SV2C: variants seen among roughly 807,000 people sequenced by gnomAD.
SV2C encodes solute carrier family 22 member B3.
In SV2C, 49 loss-of-function variants were observed where a neutral mutation model predicts 79.7. The observed-to-expected ratio is 0.61, with a 90% CI of 0.49 to 0.78. The LOEUF is 0.78. Ranked by LOEUF, SV2C falls within the 30% of genes least tolerant of loss-of-function variation. SV2C has a pLI of 0.00. For missense variants in SV2C, 833 were observed against 912.9 expected (o/e 0.91, Z 1.13); for synonymous variants, 334 against 333.2 (o/e 1.00, Z -0.03).
intron 4 of SV2C, among the ~76,000 whole-genome samples, chr5:76,246,809 T>C (rs1014227924): frequency 6.6e-6 from 1 of 152,158 alleles, no homozygotes; most frequent in Non-Finnish European, 1.5e-5. Context: ...ACCCTACATA[T>C]ACACATGCAC....
At chr5:75,883,283 C>G in the SV2C span, among the ~76,000 whole-genome samples, 28 of 136,058 alleles carry the variant, frequency 2.1e-4, no homozygotes, top group African/African-American at 8.6e-4. Flanking sequence ...GTCAGTGTGG[C>G]GATTCCTCAG....
chr5:76,120,210 G>T (rs1475116945), intron 1 of SV2C, among the ~76,000 whole-genome samples: 1 of 151,278 alleles, frequency 6.6e-6, no homozygotes, highest in Non-Finnish European at 1.5e-5. Context: ...TGATATAATT[G>T]TATATCATGT....
At chr5:76,320,003 CTAAAA>C (rs1748774392) in intron 12 of SV2C, among the ~76,000 whole-genome samples, 1 of 152,076 alleles carries the variant, frequency 6.6e-6, no homozygotes, top group Non-Finnish European at 1.5e-5. Context: ...AATCTAGAAA[CTAAAA>C]TGTTAGTTTA....
At chr5:76,079,413 A>C (rs931401227), upstream of SV2C, 4 of 298,574 alleles carry the variant, frequency 1.3e-5, no homozygotes, top group South Asian at 1.7e-4. Flanking sequence ...GGAGGCTGCT[A>C]TCAGGCTCTG....
At chr5:76,000,400 A>G in the SV2C span, among the ~76,000 whole-genome samples, 7 of 152,080 alleles carry the variant, frequency 4.6e-5, no homozygotes, top group African/African-American at 1.7e-4. Context: ...TTTTTCTCCA[A>G]GTGTGGCCTG....
At chr5:76,069,597 G>A in the SV2C span, among the ~76,000 whole-genome samples, 1 of 152,116 alleles carries the variant, frequency 6.6e-6, no homozygotes, top group African/African-American at 2.4e-5. Context: ...ACTCTCCCGG[G>A]AATCCCAGGC....
At chr5:75,871,512 T>TA in the SV2C span, among the ~76,000 whole-genome samples, 1 of 152,006 alleles carries the variant, frequency 6.6e-6, no homozygotes, top group Admixed American at 6.6e-5. Context: ...GTTTGCCAGT[T>TA]AAAAAAATAA....
intron 1 of SV2C, among the ~76,000 whole-genome samples, chr5:76,105,666 C>T (rs1157698752): frequency 2.6e-5 from 4 of 152,186 alleles, no homozygotes; most frequent in Non-Finnish European, 5.9e-5. Context: ...TTGCTAACAA[C>T]TTCATACTTA....
intron 4 of SV2C, among the ~76,000 whole-genome samples, chr5:76,254,356 C>G (rs1033934944): frequency 2.0e-5 from 3 of 151,972 alleles, no homozygotes; most frequent in African/African-American, 7.3e-5. Flanking sequence ...ATTTGCATCC[C>G]TACTTTTCCA....
At chr5:76,046,049 A>T in the SV2C span, among the ~76,000 whole-genome samples, 1 of 152,200 alleles carries the variant, frequency 6.6e-6, no homozygotes, top group African/African-American at 2.4e-5. Context: ...GTGGGAAGAG[A>T]TAGGCACTAA....
At chr5:76,198,087 C>T (rs1744327510) in intron 3 of SV2C, among the ~76,000 whole-genome samples, 1 of 152,182 alleles carries the variant, frequency 6.6e-6, no homozygotes, top group Non-Finnish European at 1.5e-5. Flanking sequence ...GGTGCCCACC[C>T]ACCCCTGAGG....
At chr5:75,915,514 A>G in the SV2C span, among the ~76,000 whole-genome samples, 1 of 152,376 alleles carries the variant, frequency 6.6e-6, no homozygotes, top group African/African-American at 2.4e-5. Context: ...TTGCACTTAA[A>G]GAGGTATGAC....
chr5:76,322,166 G>A (rs539783241), intron 12 of SV2C, among the ~76,000 whole-genome samples: 3 of 152,264 alleles, frequency 2.0e-5, no homozygotes, highest in African/African-American at 7.2e-5. Flanking sequence ...AAAATAGAAA[G>A]CTGATAAGCA....
At chr5:75,981,458 C>A in the SV2C span, among the ~76,000 whole-genome samples, 1,952 of 152,274 alleles carry the variant, frequency 0.013, 34 homozygotes, top group African/African-American at 0.044. Flanking sequence ...CACTACCCAA[C>A]TTCAAACTAT....
At chr5:76,151,792 A>AGAG (rs1749613917) in intron 2 of SV2C, among the ~76,000 whole-genome samples, 1 of 143,818 alleles carries the variant, frequency 7.0e-6, no homozygotes, top group Admixed American at 7.1e-5. Context: ...TGCCCTTAGC[A>AGAG]GAGCCTGGGT....
intron 3 of SV2C, among the ~76,000 whole-genome samples, chr5:76,203,468 C>G (rs138818141): frequency 1.3e-5 from 2 of 152,226 alleles, no homozygotes; most frequent in African/African-American, 2.4e-5. Context: ...TTCATGGCAC[C>G]TTTAGATGCT....
the SV2C span, among the ~76,000 whole-genome samples, chr5:76,038,345 A>G: frequency 2.0e-5 from 3 of 152,336 alleles, no homozygotes; most frequent in African/African-American, 7.2e-5. Flanking sequence ...GGGTTAGGGG[A>G]AAGTGCTCTA....
chr5:75,966,261 T>C, the SV2C span, among the ~76,000 whole-genome samples: 1 of 152,256 alleles, frequency 6.6e-6, no homozygotes, highest in African/African-American at 2.4e-5. Flanking sequence ...TGGAATATCT[T>C]ATTAAATATA....
At chr5:76,231,571 A>G (rs548943606) in intron 4 of SV2C, among the ~76,000 whole-genome samples, 84 of 146,028 alleles carry the variant, frequency 5.8e-4, no homozygotes, top group South Asian at 1.3e-3. Flanking sequence ...ATATCTCCCA[A>G]TGCTATCCCT....
Sources: allele counts gnomAD v4.1 joint callset (sites outside exome capture counted in the v4.1 genomes callset), GRCh38; gene constraint gnomAD v4.1.1; transcripts MANE v1.5; gene names NCBI Gene and HGNC (gene_info 2026-07-23, HGNC 2026-07-21).